The following NCKAP5 variants were observed in gnomAD, a reference collection of about 807,000 sequenced individuals.
NCKAP5 encodes NCK associated protein 5, also known as nck-associated protein 5.
In NCKAP5, 92 loss-of-function variants were observed where a neutral mutation model predicts 167.0. The observed-to-expected ratio is 0.55, with a 90% confidence interval of 0.47 to 0.66. NCKAP5 has a LOEUF of 0.66. Among genes scored for constraint, NCKAP5 ranks in the 30% least tolerant of loss-of-function variants. NCKAP5 has a pLI of 0.00. For synonymous variants in NCKAP5, 891 were observed against 877.4 expected, an observed-to-expected ratio of 1.02 and a Z score of -0.27; for missense variants, 2,378 against 2,315.0, an observed-to-expected ratio of 1.03 and a Z score of -0.56.
intron 3 of NCKAP5, among the ~76,000 whole-genome samples, chr2:133,510,693 T>A (rs1229719284): frequency 6.6e-6 from 1 of 152,206 alleles, no homozygotes; most frequent in African/African-American, 2.4e-5. Context: ...CTCTTTCACA[T>A]TGTGAAGCAC....
chr2:133,442,341 C>T (rs1053165603), intron 3 of NCKAP5, among the ~76,000 whole-genome samples: 6 of 152,120 alleles, frequency 3.9e-5, no homozygotes, highest in African/African-American at 1.4e-4. Context: ...AGGGACTTGC[C>T]CCACTCCTCC....
chr2:133,017,111 T>C (rs1038379857), intron 6 of NCKAP5, among the ~76,000 whole-genome samples: 1 of 152,252 alleles, frequency 6.6e-6, no homozygotes, highest in African/African-American at 2.4e-5. Context: ...GAACGATGTC[T>C]GCAGAATTTT....
chr2:133,148,602 TTA>T (rs2083282837), intron 5 of NCKAP5, among the ~76,000 whole-genome samples: 2 of 152,082 alleles, frequency 1.3e-5, no homozygotes, highest in Admixed American at 1.3e-4. Context: ...GAACAGAACT[TTA>T]TTTCTCACAG....
At chr2:132,685,608 T>G (rs1685826495) in intron 19 of NCKAP5, among the ~76,000 whole-genome samples, 1 of 152,188 alleles carries the variant, frequency 6.6e-6, no homozygotes, top group Non-Finnish European at 1.5e-5. Flanking sequence ...GGTTCTGCTT[T>G]ACTAGGCCCT....
intron 3 of NCKAP5, among the ~76,000 whole-genome samples, chr2:133,367,976 C>T (rs927567522): frequency 3.3e-5 from 5 of 152,112 alleles, no homozygotes; most frequent in African/African-American, 1.2e-4. Context: ...GGTGGAGACC[C>T]CAGCCCAGCC....
rs1018228991 is a variant in NCKAP5 at position 132,891,213 on chromosome 2, T to C, written c.580-12297A>G. 6.6e-5 allele frequency among the ~76,000 whole-genome samples: 10 copies of C among 152,150 alleles called. No homozygotes were observed. The East Asian group carries it at 9.6e-4, about 15-fold the overall frequency. On this transcript the variant is annotated intron_variant, in intron 8 of 19. Transcript: ENST00000409261. ...CAGTGGTTGGAAACTTGAGTGTGCA[T>C]TGGAATCACTTGGGGGGTTATGGGA...
intron 8 of NCKAP5, among the ~76,000 whole-genome samples, chr2:132,959,625 T>C (rs2076451297): frequency 6.6e-6 from 1 of 152,148 alleles, no homozygotes; most frequent in Admixed American, 6.5e-5. Context: ...TGAGCAAATC[T>C]GGGGCCTGAG....
At chr2:132,739,926 C>T (rs182678164) in intron 16 of NCKAP5, among the ~76,000 whole-genome samples, 1 of 152,270 alleles carries the variant, frequency 6.6e-6, no homozygotes, top group African/African-American at 2.4e-5. Flanking sequence ...TCTGCTGATT[C>T]TCCCTTGTTT....
intron 4 of NCKAP5, among the ~76,000 whole-genome samples, chr2:133,218,934 A>C (rs756130599): frequency 2.8e-4 from 42 of 152,230 alleles, no homozygotes; most frequent in Non-Finnish European, 5.1e-4. Flanking sequence ...GTTTTTAAAA[A>C]GGAAAATACT....
intron 8 of NCKAP5, among the ~76,000 whole-genome samples, chr2:132,915,024 C>T (rs1344586549): frequency 1.3e-5 from 2 of 151,080 alleles, no homozygotes; most frequent in East Asian, 3.9e-4. Context: ...TGCATACCTT[C>T]TATTTCAGCA....
intron 8 of NCKAP5, among the ~76,000 whole-genome samples, chr2:132,953,643 A>ACAGG: frequency 6.6e-6 from 1 of 152,172 alleles, no homozygotes; most frequent in East Asian, 1.9e-4. Context: ...GAGAAGACAG[A>ACAGG]CAGGCAGACA....
At chr2:132,774,555 T>C (rs1046053488) in intron 15 of NCKAP5, among the ~76,000 whole-genome samples, 1 of 152,136 alleles carries the variant, frequency 6.6e-6, no homozygotes, top group Non-Finnish European at 1.5e-5. Flanking sequence ...CAGCATCAGA[T>C]GGAACTCTAC....
At chr2:133,272,757 C>T (rs933895085) in intron 4 of NCKAP5, among the ~76,000 whole-genome samples, 1 of 152,168 alleles carries the variant, frequency 6.6e-6, no homozygotes, top group Non-Finnish European at 1.5e-5. Flanking sequence ...TGCTTTCTAT[C>T]CCTGTAGAAT....
intron 6 of NCKAP5, among the ~76,000 whole-genome samples, chr2:133,043,667 T>C (rs931284874): frequency 2.0e-5 from 3 of 152,170 alleles, no homozygotes; most frequent in African/African-American, 4.8e-5. Context: ...AGAGTTAACA[T>C]TGAATACCTA....
At chr2:133,651,468 C>T in the NCKAP5 span, among the ~76,000 whole-genome samples, 1 of 152,108 alleles carries the variant, frequency 6.6e-6, no homozygotes, top group Non-Finnish European at 1.5e-5. Context: ...TCACCTCATA[C>T]TTTTCAGGAT....
At chr2:133,456,353 G>A (rs1175354122) in intron 3 of NCKAP5, among the ~76,000 whole-genome samples, 1 of 152,118 alleles carries the variant, frequency 6.6e-6, no homozygotes. Context: ...TGCCTGATTT[G>A]GCAGGTGCCC....
chr2:133,567,657 C>CTGTGGG (rs1688649121), intron 1 of NCKAP5, among the ~76,000 whole-genome samples: 1 of 130,900 alleles, frequency 7.6e-6, no homozygotes, highest in Non-Finnish European at 1.7e-5. Flanking sequence ...ATGAATGAGC[C>CTGTGGG]TGTGTGTGTG....
intron 6 of NCKAP5, among the ~76,000 whole-genome samples, chr2:133,067,461 G>A (rs1319898174): frequency 6.6e-6 from 1 of 152,230 alleles, no homozygotes; most frequent in Non-Finnish European, 1.5e-5. Context: ...TTAGGTTTTA[G>A]AGCTGGCCTA....
At chr2:132,938,317 C>T (rs539081636) in intron 8 of NCKAP5, among the ~76,000 whole-genome samples, 2 of 152,290 alleles carry the variant, frequency 1.3e-5, no homozygotes, top group South Asian at 4.1e-4. Flanking sequence ...GAACAGATTT[C>T]AGGAGTCCTG....
Sources: gnomAD v4.1 joint callset for allele counts (sites outside exome capture counted in the v4.1 genomes callset) on GRCh38, gnomAD v4.1.1 for gene constraint, MANE v1.5 for transcripts, NCBI Gene and HGNC (gene_info 2026-07-23, HGNC 2026-07-21) for gene names.